Variants in USP3 observed in about 807,000 individuals in gnomAD.
The protein encoded by USP3 is ubiquitin carboxyl-terminal hydrolase 3.
USP3 carries 20 observed loss-of-function variants against 72.3 expected under a neutral mutation model. The observed-to-expected ratio is 0.28, with a 90% CI of 0.19 to 0.40. The LOEUF is 0.40. USP3 is among the 10% of genes least tolerant of loss of function. The pLI is 1.00. For missense variants in USP3, 479 were observed against 633.9 expected (o/e 0.76, Z 2.62); for synonymous variants, 222 against 225.3 (o/e 0.99, Z 0.13).
At chr15:63,587,396 G>A (rs2067091522) in intron 11 of USP3, among the ~76,000 whole-genome samples, 2 of 152,066 alleles carry the variant, frequency 1.3e-5, no homozygotes, top group African/African-American at 4.8e-5. Context: ...ATTGGCACAG[G>A]GGCCAAAGAG....
At position 63,574,233 on chromosome 15, in the gene USP3, GA is replaced by G; in HGVS notation, c.1015+84del. 2 of 1,410,696 alleles carry G rather than the reference GA, an allele frequency of 1.4e-6. No homozygotes were observed. Among genetic ancestry groups the G allele is most frequent in the Non-Finnish European group, 1.9e-6 (2 of 1,058,198 alleles). 87.4% of individuals were successfully genotyped at this position (1,410,696 alleles called of 1,614,324 possible). A position where few individuals can be genotyped will look rare whatever the true frequency, so the allele number is the denominator to read the frequency against. Reference sequence around the variant, plus strand: ...TTCCTTCAAAAAATAAGTGTAAAGAGAAATCTAGAAATACATCAGTTTGTGA... The same window carrying G: ...TTCCTTCAAAAAATAAGTGTAAAGAGAATCTAGAAATACATCAGTTTGTGA... On this transcript the variant is annotated intron_variant, in intron 10 of 14. Coordinates refer to ENST00000380324, the MANE Select transcript of USP3 (RefSeq NM_006537.4). This position sits in a 1 kb window ranked among gnomAD's most constrained non-coding sequence, Gnocchi z 4.6.
chr15:63,549,382 G>A (rs2152668257), intron 3 of USP3, among the ~76,000 whole-genome samples: 1 of 152,272 alleles, frequency 6.6e-6, no homozygotes, highest in African/African-American at 2.4e-5. Flanking sequence ...TAATTGATTT[G>A]ACTCAGAAGA....
chr15:63,512,278 T>TTCC (rs1217490192), intron 1 of USP3, among the ~76,000 whole-genome samples: 2 of 148,692 alleles, frequency 1.3e-5, no homozygotes, highest in Non-Finnish European at 3.0e-5. Flanking sequence ...CTTCTTCTTC[T>TTCC]TCCTCTTCTT....
At chr15:63,551,674 A>G (rs917763589) in intron 3 of USP3, among the ~76,000 whole-genome samples, 7 of 152,218 alleles carry the variant, frequency 4.6e-5, no homozygotes, top group African/African-American at 7.2e-5. Context: ...GCAAAAGACA[A>G]TCCTACCAAA....
Position 63,526,205 on chromosome 15 carries a change from G to C in USP3, c.92-6442G>C, listed in dbSNP as rs545514297. On this transcript the variant is annotated intron_variant, in intron 1 of 14. Transcript: ENST00000380324. ...CTTTAAAAAATTTATATGCCGGTAT[G>C]TAGTACATACATAGACTCAGAAACA... Among the ~76,000 whole-genome samples the C allele has an allele frequency of 3.5e-3, 532 of 152,230 alleles. 1 individual carries two copies. The highest frequency in any genetic ancestry group is 5.5e-3 in the Non-Finnish European group (374 of 68,030).
chr15:63,583,053 C>A (rs2066991870), intron 11 of USP3, among the ~76,000 whole-genome samples: 2 of 152,086 alleles, frequency 1.3e-5, no homozygotes, highest in African/African-American at 4.8e-5. Context: ...TCTGAATGAC[C>A]CCATGCTTCC....
At chr15:63,533,977 C>T (rs2066115534) in intron 2 of USP3, 4 of 638,704 alleles carry the variant, frequency 6.3e-6, no homozygotes, top group African/African-American at 2.0e-5. Flanking sequence ...TCTCGTAGTG[C>T]TCTACAACCT....
intron 3 of USP3, among the ~76,000 whole-genome samples, chr15:63,552,597 A>G (rs1257064545): frequency 2.6e-5 from 4 of 152,224 alleles, no homozygotes; most frequent in Non-Finnish European, 4.4e-5. Flanking sequence ...AGTGTGTGTT[A>G]AATAATTACA....
intron 11 of USP3, among the ~76,000 whole-genome samples, chr15:63,583,662 G>C (rs1441923301): frequency 6.6e-6 from 1 of 152,052 alleles, no homozygotes; most frequent in Non-Finnish European, 1.5e-5. Context: ...CTTGTTCCCA[G>C]TAACTCTTAT....
intron 11 of USP3, among the ~76,000 whole-genome samples, chr15:63,577,905 G>A (rs1184782999): frequency 6.8e-6 from 1 of 147,350 alleles, no homozygotes; most frequent in Non-Finnish European, 1.5e-5. Flanking sequence ...TCTAGGCCTG[G>A]GTGAGAGAGT....
chr15:63,505,156 G>C (rs888259544), intron 1 of USP3, among the ~76,000 whole-genome samples: 1 of 151,762 alleles, frequency 6.6e-6, no homozygotes, highest in Non-Finnish European at 1.5e-5. Context: ...TGCCGTGGCC[G>C]GGGGCTGTGC....
chr15:63,574,654 G>A lies in USP3; in HGVS notation c.1096+251G>A, dbSNP rs2066833645. On this transcript the variant is annotated intron_variant, in intron 11 of 14. Transcript: ENST00000380324. The surrounding 1 kb of genome is among the most constrained non-coding windows in gnomAD (Gnocchi z 4.6). ...TCTTTGAAATACTGACTTTAAAATA[G>A]AAGGTCTGTAGCAAAAGTTTTTCTG... 6.6e-6 allele frequency among the ~76,000 whole-genome samples: 1 copy of A among 152,142 alleles called. No homozygotes were observed. Among genetic ancestry groups the A allele is most frequent in the African/African-American group, 2.4e-5 (1 of 41,404 alleles).
At chr15:63,555,793 C>T (rs977483468) in intron 4 of USP3, among the ~76,000 whole-genome samples, 2 of 152,088 alleles carry the variant, frequency 1.3e-5, no homozygotes, top group Admixed American at 1.3e-4. Flanking sequence ...TTCTGAAGAA[C>T]ATTTTGAGGT....
chr15:63,571,307 A>G (rs2066775224), intron 9 of USP3, among the ~76,000 whole-genome samples: 1 of 152,242 alleles, frequency 6.6e-6, no homozygotes, highest in South Asian at 2.1e-4. Context: ...GAGAGAAAAC[A>G]GTAAGTAACA....
chr15:63,504,897 AG>A (rs2065687534), intron 1 of USP3, 67 bp downstream of exon 1: 1 of 1,228,210 alleles, frequency 8.1e-7, no homozygotes, highest in Non-Finnish European at 1.0e-6. Context: ...CCTGCCGTCT[AG>A]GGGCCGCAGG....
chr15:63,529,245 AT>A lies in USP3; in HGVS notation c.92-3398del, dbSNP rs1430268624. 2.4e-6 allele frequency: 1 copy of A among 408,720 alleles called. No homozygotes were observed. The highest frequency in any genetic ancestry group is 4.6e-6 in the Non-Finnish European group (1 of 215,870). The allele number at this position is 408,720 out of a possible 1,614,324, so 25.3% of individuals were successfully genotyped here. On this transcript the variant is annotated intron_variant, in intron 1 of 14. Coordinates refer to ENST00000380324, the MANE Select transcript of USP3 (RefSeq NM_006537.4). The surrounding 1 kb of genome is among the most constrained non-coding windows in gnomAD (Gnocchi z 4.2). ...AGTCCATAGTCACTTGTTTCCAATGATTTTGGAAGTCAGTACTTTATTCCCT... is the reference window on the plus strand; with the variant it reads ...AGTCCATAGTCACTTGTTTCCAATGATTTGGAAGTCAGTACTTTATTCCCT...
In USP3 at chr15:63,529,072, C is replaced by T. The variant is rs1005420635; in HGVS notation, c.92-3575C>T. Reference sequence around the variant, plus strand: ...GCCCTCAGAGAGTACTGTATGTTGCCCAGGCTGGCCTCGAACTCTAGGCTC... The same window carrying T: ...GCCCTCAGAGAGTACTGTATGTTGCTCAGGCTGGCCTCGAACTCTAGGCTC... On this transcript the variant is annotated intron_variant, in intron 1 of 14. Transcript: ENST00000380324. This position sits in a 1 kb window ranked among gnomAD's most constrained non-coding sequence, Gnocchi z 4.2. 2 of 1,288,238 alleles carry T rather than the reference C, an allele frequency of 1.6e-6. No homozygotes were observed. Among genetic ancestry groups the T allele is most frequent in the African/African-American group, 1.5e-5 (1 of 65,920 alleles). The allele number at this position is 1,288,238 out of a possible 1,614,324, so 79.8% of individuals were successfully genotyped here. A position where few individuals can be genotyped will look rare whatever the true frequency, so the allele number is the denominator to read the frequency against.
At chr15:63,534,390 G>T (rs774824390) in intron 2 of USP3, among the ~76,000 whole-genome samples, 1 of 152,020 alleles carries the variant, frequency 6.6e-6, no homozygotes, top group Non-Finnish European at 1.5e-5. Context: ...GCATATATGG[G>T]TTATAAATTC....
intron 8 of USP3, among the ~76,000 whole-genome samples, chr15:63,568,763 A>ATTT (rs2066733818): frequency 6.6e-6 from 1 of 152,178 alleles, no homozygotes; most frequent in African/African-American, 2.4e-5. Context: ...GAATTAGAAA[A>ATTT]AGTTCCAGTC....
Sources: allele counts gnomAD v4.1 joint callset (sites outside exome capture counted in the v4.1 genomes callset), GRCh38; gene constraint gnomAD v4.1.1; non-coding constraint Gnocchi (gnomAD v3.1); transcripts MANE v1.5; gene names NCBI Gene and HGNC (gene_info 2026-07-23, HGNC 2026-07-21).